Variants in POF1B observed in about 807,000 individuals in gnomAD.
The protein encoded by POF1B is protein POF1B.
Under a neutral mutation model 55.3 loss-of-function variants are expected in POF1B, and 53 were observed. The ratio of observed to expected loss-of-function variants is 0.96; its 90% CI spans 0.77 to 1.20. POF1B has a LOEUF of 1.20. Among genes scored for constraint, POF1B ranks in the 50% most tolerant of loss-of-function variants. POF1B has a pLI of 0.00. For missense variants in POF1B, 478 were observed against 420.5 expected (o/e 1.14, Z -1.20); for synonymous variants, 188 against 148.3 (o/e 1.27, Z -1.95).
intron 6 of POF1B, among the ~76,000 whole-genome samples, chrX:85,343,329 A>C (rs1933211695): frequency 9.0e-6 from 1 of 111,036 alleles, no homozygotes; most frequent in Non-Finnish European, 1.9e-5. Context: ...TAGTTACCCA[A>C]CTTTGCCCCT....
rs936697540 is a variant in POF1B at position 85,356,050 on chromosome X, G to T, written c.438+3500C>A. ...CACTATTCACAATAGCAAAGACTTG[G>T]AACCAACCCAAATGTCCATCAATGA... On this transcript the variant is annotated intron_variant, in intron 4 of 16. Coordinates refer to ENST00000262753, the MANE Select transcript of POF1B (RefSeq NM_024921.4). Among the ~76,000 whole-genome samples the T allele has an allele frequency of 2.7e-5, 3 of 111,284 alleles. No homozygotes were observed. In the East Asian group the frequency reaches 8.5e-4, roughly 32 times the overall value.
intron 6 of POF1B, among the ~76,000 whole-genome samples, chrX:85,340,313 A>G (rs1933148819): frequency 9.0e-6 from 1 of 111,122 alleles, no homozygotes; most frequent in Non-Finnish European, 1.9e-5. Flanking sequence ...AAGGATCAGC[A>G]AAGTGATGCC....
At chrX:85,292,449 T>C (rs1157013826) in intron 15 of POF1B, among the ~76,000 whole-genome samples, 2 of 111,689 alleles carry the variant, frequency 1.8e-5, no homozygotes, top group African/African-American at 3.3e-5. Context: ...GCTGGCCTCA[T>C]AGAACGAGCT....
intron 5 of POF1B, among the ~76,000 whole-genome samples, chrX:85,348,724 A>G (rs1373751858): frequency 3.6e-5 from 4 of 111,589 alleles, no homozygotes; most frequent in African/African-American, 1.3e-4. Flanking sequence ...GGGCATAAAC[A>G]AGTAAATATT....
At chrX:85,356,443 A>T (rs1933501045) in intron 4 of POF1B, among the ~76,000 whole-genome samples, 1 of 109,527 alleles carries the variant, frequency 9.1e-6, no homozygotes, top group African/African-American at 3.3e-5. Flanking sequence ...GTACCCTAGA[A>T]CTTAAAGTAT....
At chrX:85,342,545 T>C (rs896736737) in intron 6 of POF1B, among the ~76,000 whole-genome samples, 16 of 111,454 alleles carry the variant, frequency 1.4e-4, no homozygotes, top group Admixed American at 2.9e-4. Flanking sequence ...GTATGATTCT[T>C]CCCCTTTTAG....
At chrX:85,364,412 TC>T (rs1305591211) in intron 3 of POF1B, among the ~76,000 whole-genome samples, 1 of 112,187 alleles carries the variant, frequency 8.9e-6, no homozygotes, top group Non-Finnish European at 1.9e-5. Flanking sequence ...TGTTTAGTGC[TC>T]CTTTCAAGAT....
At chrX:85,334,502 C>T (rs182533963) in intron 6 of POF1B, among the ~76,000 whole-genome samples, 1 of 111,236 alleles carries the variant, frequency 9.0e-6, no homozygotes, top group East Asian at 2.8e-4. Context: ...CAATGAAGTA[C>T]GTTTAATCGG....
At chrX:85,284,942 A>T (rs1488010153) in intron 15 of POF1B, among the ~76,000 whole-genome samples, 1 of 111,916 alleles carries the variant, frequency 8.9e-6, no homozygotes, top group African/African-American at 3.3e-5. Context: ...TCTACAAAGA[A>T]CTCAAACAAA....
At chrX:85,313,387 C>T (rs893107259) in intron 9 of POF1B, among the ~76,000 whole-genome samples, 4 of 111,282 alleles carry the variant, frequency 3.6e-5, no homozygotes, top group Non-Finnish European at 7.6e-5. Context: ...TAGCATGAAG[C>T]GGTGTTGAAT....
intron 4 of POF1B, among the ~76,000 whole-genome samples, chrX:85,354,904 T>A (rs761174495): frequency 9.0e-6 from 1 of 111,348 alleles, no homozygotes; most frequent in Non-Finnish European, 1.9e-5. Context: ...ATAGATTCAA[T>A]GCCATCCCCA....
chrX:85,345,454 A>G (rs1432106334), intron 6 of POF1B, among the ~76,000 whole-genome samples: 1 of 111,591 alleles, frequency 9.0e-6, no homozygotes, highest in Non-Finnish European at 1.9e-5. Context: ...TTCTCAAAGA[A>G]GACATACAGG....
intron 15 of POF1B, among the ~76,000 whole-genome samples, chrX:85,285,869 T>G (rs1053623890): frequency 9.0e-5 from 10 of 111,106 alleles, no homozygotes; most frequent in Non-Finnish European, 1.7e-4. Context: ...TAATGAAGAA[T>G]TGATAAAGAC....
intron 13 of POF1B, 90 bp from the exon 14 acceptor site, chrX:85,304,561 A>C: frequency 2.0e-6 from 1 of 495,787 alleles, no homozygotes; most frequent in Non-Finnish European, 2.9e-6. Context: ...ACACAAACTC[A>C]CACAGTTATG....
In POF1B at chrX:85,346,717, T is replaced by C. The variant is rs112085870; in HGVS notation, c.541-675A>G. ...TATTCCATAGGGGTGCTATGAGGAG[T>C]AAATAAGCTAATGTCTATAAGTTGA... On this transcript the variant is annotated intron_variant, in intron 5 of 16. Transcript: ENST00000262753. Among the ~76,000 whole-genome samples the C allele has an allele frequency of 8.2e-3, 901 of 110,210 alleles. 6 individuals carry two copies. Among genetic ancestry groups the C allele is most frequent in the African/African-American group, 0.028 (856 of 30,423 alleles).
rs1167687255 is a variant in POF1B at position 85,305,884 on chromosome X, C to T, written c.1344G>A (p.Met448Ile). ...MQVSETCTGP[M>I]LQAKMDEIGN... ...CAATCTCATCCATTTTAGCCTGCAA[C>T]ATTGGGCCTGTGCAAGTCTCAGAAA... Residue 448 changes from methionine (M) to isoleucine (I), a missense_variant, in exon 13 of 17, where the codon ATG (methionine) becomes ATA (isoleucine). Met to Ile is a conservative substitution (Grantham distance 10). Coordinates refer to ENST00000262753, the MANE Select transcript of POF1B (RefSeq NM_024921.4). The T allele has an allele frequency of 5.0e-6, 6 of 1,209,902 alleles. No homozygotes were observed. In the Admixed American group the frequency reaches 1.3e-4, roughly 26 times the overall value.
At chrX:85,289,975 T>C (rs1344843359) in intron 15 of POF1B, among the ~76,000 whole-genome samples, 2 of 111,799 alleles carry the variant, frequency 1.8e-5, no homozygotes, top group Admixed American at 1.9e-4. Flanking sequence ...TTTTTCAACT[T>C]AAATTTCAGA....
At chrX:85,335,598 G>T in intron 6 of POF1B, among the ~76,000 whole-genome samples, 1 of 110,846 alleles carries the variant, frequency 9.0e-6, no homozygotes, top group South Asian at 3.7e-4. Context: ...AGAATTTTAG[G>T]TTCTGAAAAT....
chrX:85,315,339 A>C (rs936529121), intron 8 of POF1B, among the ~76,000 whole-genome samples: 1 of 111,508 alleles, frequency 9.0e-6, no homozygotes, highest in South Asian at 3.7e-4. Context: ...TTAATCATAT[A>C]GATTTCAGTT....
Sources: gnomAD v4.1 joint callset for allele counts (sites outside exome capture counted in the v4.1 genomes callset) on GRCh38, gnomAD v4.1.1 for gene constraint, MANE v1.5 for transcripts, NCBI Gene and HGNC (gene_info 2026-07-23, HGNC 2026-07-21) for gene names.